Variants in MACC1 observed in about 807,000 individuals in gnomAD.
The protein encoded by MACC1 is MET transcriptional regulator MACC1.
A neutral mutation model predicts 70.7 loss-of-function variants in MACC1; 79 were observed. That is an observed-to-expected ratio of 1.12 (90% CI 0.93 to 1.35). The LOEUF is 1.35. Ranked by LOEUF, MACC1 falls within the 40% of genes most tolerant of loss-of-function variation. The probability of loss-of-function intolerance (pLI) is 0.00; values close to 1 mark genes in which losing one functional copy is unlikely to be tolerated. For missense variants in MACC1, 1,106 were observed against 978.1 expected (o/e 1.13, Z -1.74); for synonymous variants, 361 against 347.2 (o/e 1.04, Z -0.44).
At position 20,140,995 on chromosome 7, in the gene MACC1, G is replaced by T. The variant is rs1349484259; in HGVS notation, c.2510C>A (p.Ser837Tyr). The change falls in exon 7 of 7, where the codon TCT becomes TAT. Residue 837 changes from serine (S) to tyrosine (Y), a missense_variant. Transcript: ENST00000400331. ...TGCAGTTACTCTCAAAACCTCCAAA[G>T]AATTTACTAGTATTAAAACTCCAGT... ...ELTGVLILVN[S>Y]LEVLRVTAFS... 1.2e-6 allele frequency: 2 copies of T among 1,613,870 alleles called. No homozygotes were observed. The highest frequency in any genetic ancestry group is 1.7e-5 in the Admixed American group (1 of 59,988).
chr7:20,148,399 G>A (rs567233721), intron 6 of MACC1, among the ~76,000 whole-genome samples: 11 of 152,238 alleles, frequency 7.2e-5, no homozygotes, highest in African/African-American at 2.6e-4. Context: ...TTATTAAGCA[G>A]TTCTAACAAA....
chr7:20,172,293 C>G (rs3094998), intron 1 of MACC1, among the ~76,000 whole-genome samples: 97,085 of 152,052 alleles, frequency 0.64, 32,446 homozygotes, highest in East Asian at 0.9. Flanking sequence ...TTTTAAAATC[C>G]AAACCTCTCA....
chr7:20,195,121 T>C (rs1253966526), intron 1 of MACC1, among the ~76,000 whole-genome samples: 2 of 152,210 alleles, frequency 1.3e-5, no homozygotes, highest in African/African-American at 4.8e-5. Flanking sequence ...GTATCCCCTA[T>C]GCTTTAAGTT....
At chr7:20,214,168 T>G (rs1038671813) in intron 1 of MACC1, among the ~76,000 whole-genome samples, 3 of 152,146 alleles carry the variant, frequency 2.0e-5, no homozygotes, top group Non-Finnish European at 4.4e-5. Context: ...ATTTCCACAG[T>G]TGGCTCCTGG....
intron 1 of MACC1, among the ~76,000 whole-genome samples, chr7:20,212,384 C>T (rs1031035114): frequency 1.3e-5 from 2 of 152,084 alleles, no homozygotes; most frequent in African/African-American, 4.8e-5. Flanking sequence ...CAAGGAAGGC[C>T]CCTATAAAGA....
At chr7:20,183,352 C>A (rs1782539170) in intron 1 of MACC1, among the ~76,000 whole-genome samples, 1 of 152,174 alleles carries the variant, frequency 6.6e-6, no homozygotes, top group Admixed American at 6.5e-5. Context: ...GAAACTAATT[C>A]TTTCCACTAA....
intron 1 of MACC1, among the ~76,000 whole-genome samples, chr7:20,173,002 C>T (rs1289609266): frequency 6.6e-6 from 1 of 152,184 alleles, no homozygotes; most frequent in African/African-American, 2.4e-5. Context: ...CTTTCTACCT[C>T]CTTATCATTT....
At chr7:20,168,575 C>A (rs1179676191) in intron 2 of MACC1, among the ~76,000 whole-genome samples, 1 of 152,126 alleles carries the variant, frequency 6.6e-6, no homozygotes, top group Non-Finnish European at 1.5e-5. Context: ...ATCCTCGGTC[C>A]CACCTTTTAC....
intron 2 of MACC1, among the ~76,000 whole-genome samples, chr7:20,169,757 T>C (rs913154543): frequency 1.3e-5 from 2 of 152,232 alleles, no homozygotes; most frequent in African/African-American, 4.8e-5. Flanking sequence ...ACTTATCATC[T>C]GTAAAGAACT....
At chr7:20,176,421 G>A (rs1196750504) in intron 1 of MACC1, among the ~76,000 whole-genome samples, 4 of 152,058 alleles carry the variant, frequency 2.6e-5, no homozygotes, top group Non-Finnish European at 4.4e-5. Flanking sequence ...AATTGATCAA[G>A]TCTATTGTTT....
At chr7:20,197,200 A>C (rs1358955512) in intron 1 of MACC1, among the ~76,000 whole-genome samples, 1 of 152,202 alleles carries the variant, frequency 6.6e-6, no homozygotes, top group Non-Finnish European at 1.5e-5. Context: ...ACTAAAGAGA[A>C]TCTAAGATTT....
At chr7:20,213,322 T>C (rs1018297742) in intron 1 of MACC1, among the ~76,000 whole-genome samples, 4 of 152,224 alleles carry the variant, frequency 2.6e-5, no homozygotes, top group African/African-American at 7.2e-5. Flanking sequence ...TATATGCCAT[T>C]GGTGAGAGTG....
Position 20,137,610 on chromosome 7 carries a change from T to G in MACC1, c.*3336A>C, listed in dbSNP as rs1781735391. The G allele has an allele frequency of 6.6e-6, 1 of 152,192 alleles. No individual in the cohort carries two copies. 9.4% of individuals were successfully genotyped at this position (152,192 alleles called of 1,614,324 possible). On this transcript the variant is annotated 3_prime_UTR_variant, in exon 7 of 7. Coordinates refer to ENST00000400331, the MANE Select transcript of MACC1 (RefSeq NM_182762.4). ...ATGTAAACATTTTCTGCTTTCAAAA[T>G]GCTTAAAGAAGTTTTAGATTAATGG... is the stretch of plus-strand genomic sequence containing the variant.
chr7:20,192,989 G>A (rs968684696), intron 1 of MACC1, among the ~76,000 whole-genome samples: 1 of 152,098 alleles, frequency 6.6e-6, no homozygotes, highest in Admixed American at 6.5e-5. Flanking sequence ...GTTCCCTAGC[G>A]ATTTATGTTT....
rs922838472 is a variant in MACC1 at position 20,140,792 on chromosome 7, C to A, written c.*154G>T. 3.8e-6 allele frequency: 2 copies of A among 528,800 alleles called. No homozygotes were observed. Among genetic ancestry groups the A allele is most frequent in the Non-Finnish European group, 6.3e-6 (2 of 319,278 alleles). 32.8% of individuals were successfully genotyped at this position (528,800 alleles called of 1,614,324 possible). On this transcript the variant is annotated 3_prime_UTR_variant, in exon 7 of 7. Coordinates refer to ENST00000400331, the MANE Select transcript of MACC1 (RefSeq NM_182762.4). ...ATTAATATAATGCTTTTCTGAGATT[C>A]TTTCTTTCCTACACACACACACACA... is the stretch of plus-strand genomic sequence containing the variant.
chr7:20,169,172 CT>C (rs1782264045), intron 2 of MACC1, among the ~76,000 whole-genome samples: 1 of 152,188 alleles, frequency 6.6e-6, no homozygotes, highest in Admixed American at 6.5e-5. Context: ...CTAATCCCCA[CT>C]GTTGCCATAA....
chr7:20,148,687 A>T (rs957768553), intron 6 of MACC1, among the ~76,000 whole-genome samples: 1 of 152,114 alleles, frequency 6.6e-6, no homozygotes, highest in Non-Finnish European at 1.5e-5. Flanking sequence ...TTCCTACCTC[A>T]TTCCTCCCAA....
chr7:20,178,063 T>G (rs1189286265), intron 1 of MACC1, among the ~76,000 whole-genome samples: 5 of 152,150 alleles, frequency 3.3e-5, no homozygotes, highest in Non-Finnish European at 7.4e-5. Flanking sequence ...TTGTTCCCAA[T>G]TCCAGGTTTT....
intron 1 of MACC1, among the ~76,000 whole-genome samples, chr7:20,194,968 A>G (rs1386313574): frequency 6.6e-6 from 1 of 152,216 alleles, no homozygotes; most frequent in Non-Finnish European, 1.5e-5. Flanking sequence ...AATTTTTAGT[A>G]AACCTCTAAT....
Sources: gnomAD v4.1 joint callset for allele counts (sites outside exome capture counted in the v4.1 genomes callset) on GRCh38, gnomAD v4.1.1 for gene constraint, MANE v1.5 for transcripts, NCBI Gene and HGNC (gene_info 2026-07-23, HGNC 2026-07-21) for gene names.